The following KCNJ3 variants were observed in gnomAD, a reference collection of about 807,000 sequenced individuals.
The protein encoded by KCNJ3 is G protein-activated inward rectifier potassium channel 1.
A neutral mutation model predicts 39.2 loss-of-function variants in KCNJ3; 4 were observed. The observed-to-expected ratio is 0.10, with a 90% CI of 0.05 to 0.23. The LOEUF (loss-of-function observed/expected upper bound fraction) is 0.23. KCNJ3 is among the 10% of genes least tolerant of loss of function. The pLI is 1.00. For missense variants in KCNJ3, 276 were observed against 634.9 expected (o/e 0.43, Z 6.08); for synonymous variants, 230 against 237.4 (o/e 0.97, Z 0.29).
At chr2:154,744,702 T>C (rs1202976952) in intron 2 of KCNJ3, among the ~76,000 whole-genome samples, 1 of 151,912 alleles carries the variant, frequency 6.6e-6, no homozygotes. Context: ...GTAGTTTGCA[T>C]CTTCTCTCTT....
At chr2:154,822,269 G>A (rs1036641080) in intron 2 of KCNJ3, among the ~76,000 whole-genome samples, 6 of 152,106 alleles carry the variant, frequency 3.9e-5, no homozygotes, top group African/African-American at 1.2e-4. Context: ...TAATATGTGG[G>A]ATTGAAACTA....
chr2:154,721,233 A>G (rs1315237613), intron 2 of KCNJ3, among the ~76,000 whole-genome samples: 6 of 152,124 alleles, frequency 3.9e-5, no homozygotes, highest in African/African-American at 1.4e-4. Context: ...AGGTCTTTTA[A>G]GTGTTTAAAG....
chr2:154,749,626 G>C (rs193219854), intron 2 of KCNJ3, among the ~76,000 whole-genome samples: 1 of 151,974 alleles, frequency 6.6e-6, no homozygotes, highest in Non-Finnish European at 1.5e-5. Context: ...CTTCTGGTTC[G>C]ATCACATAGT....
chr2:154,781,000 G>A lies in KCNJ3; in HGVS notation c.919+71181G>A, dbSNP rs13388370. Among the ~76,000 whole-genome samples the A allele has an allele frequency of 8.9e-3, 1,349 of 152,244 alleles. 14 individuals carry two copies. The highest frequency in any genetic ancestry group is 0.024 in the South Asian group (116 of 4,824). On this transcript the variant is annotated intron_variant, in intron 2 of 2. Coordinates refer to ENST00000295101, the MANE Select transcript of KCNJ3 (RefSeq NM_002239.4). ...GATTATTCTGAATTATCTTGGAAAG[G>A]GCTTTCACTGTAATCGCAGTTGGTC...
chr2:154,829,399 C>A (rs184921457), intron 2 of KCNJ3, among the ~76,000 whole-genome samples: 1 of 152,004 alleles, frequency 6.6e-6, no homozygotes, highest in African/African-American at 2.4e-5. Context: ...TCTGTTCCTG[C>A]GTTAGTTTGC....
At chr2:154,708,341 C>T (rs528705014) in intron 1 of KCNJ3, among the ~76,000 whole-genome samples, 2 of 152,116 alleles carry the variant, frequency 1.3e-5, no homozygotes, top group Non-Finnish European at 2.9e-5. Flanking sequence ...GTTGCTAAGC[C>T]ACATTTCTCA....
chr2:154,844,409 C>A (rs1687631525), intron 2 of KCNJ3, among the ~76,000 whole-genome samples: 1 of 152,174 alleles, frequency 6.6e-6, no homozygotes, highest in South Asian at 2.1e-4. Context: ...GAGACAGGGA[C>A]CAACTTGAGG....
In KCNJ3 at chr2:154,803,043, A is replaced by G. The variant is rs558157454; in HGVS notation, c.920-51684A>G. Among the ~76,000 whole-genome samples the G allele has an allele frequency of 7.9e-5, 12 of 152,234 alleles. No homozygotes were observed. The East Asian group carries it at 1.7e-3, about 22-fold the overall frequency. On this transcript the variant is annotated intron_variant, in intron 2 of 2. Coordinates refer to ENST00000295101, the MANE Select transcript of KCNJ3 (RefSeq NM_002239.4). ...ACTAATGATGAAAAGAAAAGAGATT[A>G]AGGAAATAGATGAGAACAATGTTAA...
chr2:154,835,314 ATAACT>A (rs1220251528), intron 2 of KCNJ3, among the ~76,000 whole-genome samples: 3 of 150,208 alleles, frequency 2.0e-5, no homozygotes, highest in Non-Finnish European at 4.4e-5. Context: ...GTTACTTAAA[ATAACT>A]TTACGACAAT....
intron 2 of KCNJ3, among the ~76,000 whole-genome samples, chr2:154,810,732 A>C (rs1686995304): frequency 6.6e-6 from 1 of 152,202 alleles, no homozygotes; most frequent in Admixed American, 6.5e-5. Context: ...AATGAAACCA[A>C]AATTCATTAG....
chr2:154,814,533 A>T (rs1376753807), intron 2 of KCNJ3, among the ~76,000 whole-genome samples: 1 of 152,148 alleles, frequency 6.6e-6, no homozygotes, highest in African/African-American at 2.4e-5. Flanking sequence ...GCTACTCAGG[A>T]GGCTGAGGCA....
rs551949073 is a variant in KCNJ3, at chr2:154,748,773, T to C, written c.919+38954T>C. On this transcript the variant is annotated intron_variant, in intron 2 of 2. Coordinates refer to ENST00000295101, the MANE Select transcript of KCNJ3 (RefSeq NM_002239.4). ...TGTTTCTTTTAAGTAGAGCTGTCAG[T>C]GAGAAGACAGATCAACATACTAGAA... Among the ~76,000 whole-genome samples the C allele has an allele frequency of 3.8e-3, 573 of 152,238 alleles. 2 individuals are homozygous for C. Among genetic ancestry groups the C allele is most frequent in the African/African-American group, 0.013 (535 of 41,566 alleles).
intron 2 of KCNJ3, among the ~76,000 whole-genome samples, chr2:154,798,212 ACACACACACG>A (rs796592725): frequency 0.015 from 1,955 of 131,474 alleles, 53 homozygotes; most frequent in South Asian, 0.059. Flanking sequence ...ACACACACAC[ACACACACACG>A]CACAGAGTCT....
At chr2:154,801,219 C>G (rs932278630) in intron 2 of KCNJ3, among the ~76,000 whole-genome samples, 6 of 152,144 alleles carry the variant, frequency 3.9e-5, no homozygotes, top group African/African-American at 1.2e-4. Context: ...TAGAAATAAC[C>G]ACTGGCTTCA....
chr2:154,777,370 A>T (rs181553239), intron 2 of KCNJ3, among the ~76,000 whole-genome samples: 4 of 152,282 alleles, frequency 2.6e-5, no homozygotes, highest in African/African-American at 9.6e-5. Flanking sequence ...CTTAGTGAAA[A>T]CCATGTACAT....
chr2:154,850,134 C>T (rs1030213698), intron 2 of KCNJ3, among the ~76,000 whole-genome samples: 1 of 139,952 alleles, frequency 7.1e-6, no homozygotes, highest in Non-Finnish European at 1.5e-5. Flanking sequence ...GAGATGAGCT[C>T]GTGTTGATTT....
At chr2:154,846,720 G>A (rs983636834) in intron 2 of KCNJ3, among the ~76,000 whole-genome samples, 29 of 152,212 alleles carry the variant, frequency 1.9e-4, no homozygotes, top group Middle Eastern at 3.4e-3. Context: ...TTTAGCATCT[G>A]CACTTATCTT....
At chr2:154,853,586 T>TTAGTC (rs1687791797) in intron 2 of KCNJ3, among the ~76,000 whole-genome samples, 1 of 152,064 alleles carries the variant, frequency 6.6e-6, no homozygotes, top group Non-Finnish European at 1.5e-5. Context: ...TTAATAGCCT[T>TTAGTC]TAATAGAAGT....
intron 2 of KCNJ3, among the ~76,000 whole-genome samples, chr2:154,765,664 A>G (rs1686121220): frequency 6.6e-6 from 1 of 152,200 alleles, no homozygotes; most frequent in Non-Finnish European, 1.5e-5. Context: ...TTATATTAAT[A>G]TTTAGCCTAG....
Sources: gnomAD v4.1 joint callset for allele counts (sites outside exome capture counted in the v4.1 genomes callset) on GRCh38, gnomAD v4.1.1 for gene constraint, MANE v1.5 for transcripts, NCBI Gene and HGNC (gene_info 2026-07-23, HGNC 2026-07-21) for gene names.